Variants in NUBPL observed in about 807,000 individuals in gnomAD.
The protein encoded by NUBPL is NUBP iron-sulfur cluster assembly factor, mitochondrial.
Under a neutral mutation model 45.7 loss-of-function variants are expected in NUBPL, and 31 were observed. The ratio of observed to expected loss-of-function variants is 0.68; its 90% CI spans 0.51 to 0.92. NUBPL has a LOEUF of 0.92. NUBPL is among the 40% of genes least tolerant of loss of function. The pLI, the probability that NUBPL is intolerant of heterozygous loss-of-function variation, is 0.00. For missense variants in NUBPL, 401 were observed against 398.7 expected, an observed-to-expected ratio of 1.01 and a Z score of -0.05; for synonymous variants, 144 against 140.9, an observed-to-expected ratio of 1.02 and a Z score of -0.15.
At chr14:31,805,920 A>AAAAAT in intron 7 of NUBPL, among the ~76,000 whole-genome samples, 1 of 152,226 alleles carries the variant, frequency 6.6e-6, no homozygotes, top group Non-Finnish European at 1.5e-5. Context: ...AAATTAAAAA[A>AAAAAT]TTTTGGGGGG....
chr14:31,846,503 C>G lies in NUBPL; in HGVS notation c.726C>G (p.Phe242Leu), dbSNP rs767543623. Residue 242 changes from phenylalanine (F) to leucine (L), a missense_variant, in exon 9 of 11, where the codon TTC becomes TTG. By Grantham distance (22) the Phe-to-Leu change is conservative (BLOSUM62 0). Coordinates refer to ENST00000281081, the MANE Select transcript of NUBPL (RefSeq NM_025152.3). ...GCCTTGTCCAAAACATGAGTGTTTTCCAGTGTCCAAAATGTAAACACAAAA... is the reference window on the plus strand; with the variant it reads ...GCCTTGTCCAAAACATGAGTGTTTTGCAGTGTCCAAAATGTAAACACAAAA... ...VLGLVQNMSV[F>L]QCPKCKHKTH... 3.7e-6 allele frequency: 6 copies of G among 1,612,914 alleles called. No individual in the cohort carries two copies. The highest frequency in any genetic ancestry group is 5.1e-6 in the Non-Finnish European group (6 of 1,179,446).
chr14:31,640,709 A>G (rs1298869845), intron 4 of NUBPL, among the ~76,000 whole-genome samples: 1 of 152,036 alleles, frequency 6.6e-6, no homozygotes. Context: ...CTGTTTATTA[A>G]TTATTTTGTT....
chr14:31,570,574 TAC>T (rs1413122165), intron 3 of NUBPL, among the ~76,000 whole-genome samples: 2 of 152,224 alleles, frequency 1.3e-5, no homozygotes, highest in Non-Finnish European at 2.9e-5. Flanking sequence ...TTATCAGTTT[TAC>T]AGTCTTTATT....
At chr14:31,610,846 T>A (rs1014384639) in intron 4 of NUBPL, among the ~76,000 whole-genome samples, 1 of 152,132 alleles carries the variant, frequency 6.6e-6, no homozygotes, top group African/African-American at 2.4e-5. Context: ...TCATTTCACT[T>A]GATGGTGAAA....
At position 31,743,312 on chromosome 14, in the gene NUBPL, A is replaced by G. The variant is rs146204085; in HGVS notation, c.514-44468A>G. On this transcript the variant is annotated intron_variant, in intron 6 of 10. Transcript: ENST00000281081. ...TGCTGAATATATCTAACAGAAAATT[A>G]TATTCTCCAGATTGGTGCCATTACA... 2.1e-3 allele frequency among the ~76,000 whole-genome samples: 317 copies of G among 152,154 alleles called. 1 individual carries two copies. The highest frequency in any genetic ancestry group is 7.3e-3 in the African/African-American group (303 of 41,494).
intron 6 of NUBPL, among the ~76,000 whole-genome samples, chr14:31,758,178 G>A (rs1237381146): frequency 6.6e-6 from 1 of 152,004 alleles, no homozygotes; most frequent in South Asian, 2.1e-4. Context: ...CTGTCTTCTT[G>A]ACTATCTTGT....
chr14:31,601,815 G>T (rs1015203499), intron 4 of NUBPL, among the ~76,000 whole-genome samples: 2 of 152,130 alleles, frequency 1.3e-5, no homozygotes, highest in African/African-American at 4.8e-5. Context: ...TTCAACCATT[G>T]TGGAAGTCAG....
intron 7 of NUBPL, among the ~76,000 whole-genome samples, chr14:31,805,487 T>C (rs1384935335): frequency 6.6e-6 from 1 of 152,128 alleles, no homozygotes; most frequent in Non-Finnish European, 1.5e-5. Context: ...GCACTACTAC[T>C]CACAATAGCA....
chr14:31,842,600 C>T (rs2040394211), intron 8 of NUBPL, among the ~76,000 whole-genome samples: 2 of 152,134 alleles, frequency 1.3e-5, no homozygotes, highest in Non-Finnish European at 2.9e-5. Flanking sequence ...ACTTCAGCTT[C>T]CTGAGTGGCT....
At chr14:31,657,848 ATGCTACTTCAAAAACTTGAGAATT>A (rs1595448150) in intron 4 of NUBPL, among the ~76,000 whole-genome samples, 1 of 152,186 alleles carries the variant, frequency 6.6e-6, no homozygotes, top group South Asian at 2.1e-4. Context: ...CTACTTAAAA[ATGCTACTTCAAAAACTTGAGAATT>A]TGCTACTTCA....
At chr14:31,588,675 G>T (rs951208270) in intron 3 of NUBPL, among the ~76,000 whole-genome samples, 1 of 151,852 alleles carries the variant, frequency 6.6e-6, no homozygotes, top group African/African-American at 2.4e-5. Context: ...CCAGCACGTT[G>T]GGAGGCCAAG....
At chr14:31,848,325 G>A (rs2040485226) in intron 9 of NUBPL, among the ~76,000 whole-genome samples, 1 of 152,202 alleles carries the variant, frequency 6.6e-6, no homozygotes. Context: ...GGTTGGAATT[G>A]GGAATGAGGA....
chr14:31,738,370 T>C (rs2038207066), intron 6 of NUBPL, among the ~76,000 whole-genome samples: 1 of 152,222 alleles, frequency 6.6e-6, no homozygotes, highest in Non-Finnish European at 1.5e-5. Flanking sequence ...GATTATGTCA[T>C]GTGAATTTTT....
intron 7 of NUBPL, among the ~76,000 whole-genome samples, chr14:31,800,600 C>T (rs7141411): frequency 0.51 from 77,746 of 152,044 alleles, 21,508 homozygotes; most frequent in African/African-American, 0.74. Flanking sequence ...AAAAATGCAG[C>T]ATCTTTGAAG....
At chr14:31,711,606 C>T (rs912022049) in intron 6 of NUBPL, among the ~76,000 whole-genome samples, 5 of 152,098 alleles carry the variant, frequency 3.3e-5, no homozygotes, top group Non-Finnish European at 7.3e-5. Flanking sequence ...CAGACCCTCA[C>T]GGTGAGTGTT....
At chr14:31,677,493 G>T (rs2036728206) in intron 6 of NUBPL, among the ~76,000 whole-genome samples, 2 of 152,336 alleles carry the variant, frequency 1.3e-5, no homozygotes, top group East Asian at 3.9e-4. Context: ...TGAGTGTTGT[G>T]ATCTAAGTTG....
At chr14:31,668,329 C>A (rs192523078) in intron 4 of NUBPL, among the ~76,000 whole-genome samples, 26 of 152,314 alleles carry the variant, frequency 1.7e-4, no homozygotes, top group African/African-American at 5.5e-4. Context: ...TTCACCCAGT[C>A]TGAACTTCCT....
At chr14:31,681,534 T>C (rs2036834703) in intron 6 of NUBPL, among the ~76,000 whole-genome samples, 1 of 151,872 alleles carries the variant, frequency 6.6e-6, no homozygotes, top group Non-Finnish European at 1.5e-5. Context: ...CATATGTTTG[T>C]TTCTTATTTC....
At chr14:31,607,729 C>T (rs1294361694) in intron 4 of NUBPL, among the ~76,000 whole-genome samples, 2 of 151,796 alleles carry the variant, frequency 1.3e-5, no homozygotes, top group Non-Finnish European at 2.9e-5. Flanking sequence ...TGAAGCACAA[C>T]AACAGGATCT....
Sources: allele counts gnomAD v4.1 joint callset (sites outside exome capture counted in the v4.1 genomes callset), GRCh38; gene constraint gnomAD v4.1.1; transcripts MANE v1.5; gene names NCBI Gene and HGNC (gene_info 2026-07-23, HGNC 2026-07-21).